The following ADCY1 variants were observed in gnomAD, a reference collection of about 807,000 sequenced individuals.
The protein encoded by ADCY1 is adenylate cyclase type 1.
ADCY1 carries 28 observed loss-of-function variants against 105.4 expected under a neutral mutation model. That is an observed-to-expected ratio of 0.27 (90% CI 0.20 to 0.36). ADCY1 has a LOEUF of 0.36. Among genes scored for constraint, ADCY1 ranks in the 10% least tolerant of loss-of-function variants. ADCY1 has a pLI of 1.00. For synonymous variants in ADCY1, 655 were observed against 623.8 expected (o/e 1.05, Z -0.75); for missense variants, 977 against 1,434.2 (o/e 0.68, Z 5.15).
chr7:45,677,376 CAT>C (rs1784475563), intron 8 of ADCY1, among the ~76,000 whole-genome samples: 1 of 152,160 alleles, frequency 6.6e-6, no homozygotes, highest in East Asian at 1.9e-4. Flanking sequence ...TCGTATCCCT[CAT>C]GTGACATATG....
At chr7:45,584,081 A>G (rs1166690905) in intron 1 of ADCY1, among the ~76,000 whole-genome samples, 2 of 151,264 alleles carry the variant, frequency 1.3e-5, no homozygotes, top group African/African-American at 2.4e-5. Flanking sequence ...CAGAGTAGGT[A>G]GAGCTACAGG....
intron 4 of ADCY1, among the ~76,000 whole-genome samples, chr7:45,629,805 C>T (rs892254103): frequency 6.6e-6 from 1 of 152,156 alleles, no homozygotes; most frequent in South Asian, 2.1e-4. Context: ...AGGCGTGAGC[C>T]ACCGCGCCCG....
chr7:45,684,470 A>G (rs1347915787), intron 11 of ADCY1: 8 of 152,476 alleles, frequency 5.2e-5, no homozygotes, highest in African/African-American at 1.7e-4. Flanking sequence ...TGTTAAGTGT[A>G]AAAAGGACTT....
intron 4 of ADCY1, among the ~76,000 whole-genome samples, chr7:45,631,207 T>G (rs567693289): frequency 6.6e-6 from 1 of 152,322 alleles, no homozygotes; most frequent in East Asian, 1.9e-4. Flanking sequence ...CCCTCTAACA[T>G]AAAGATATGA....
chr7:45,696,160 C>T (rs1427015288), intron 14 of ADCY1, among the ~76,000 whole-genome samples: 2 of 149,368 alleles, frequency 1.3e-5, no homozygotes, highest in African/African-American at 2.4e-5. Flanking sequence ...GATTTTCGGC[C>T]GGGCGCCGTG....
intron 19 of ADCY1, among the ~76,000 whole-genome samples, chr7:45,713,120 G>C (rs1009553388): frequency 6.6e-6 from 1 of 152,150 alleles, no homozygotes; most frequent in Non-Finnish European, 1.5e-5. Context: ...CCAGCTGAGG[G>C]GGGTACCTTC....
At position 45,703,446 on chromosome 7, in the gene ADCY1, C is replaced by T. The variant is rs1562731607; in HGVS notation, c.2525C>T (p.Pro842Leu). 2 of 1,614,078 alleles carry T rather than the reference C, an allele frequency of 1.2e-6. No individual in the cohort carries two copies. The highest frequency in any genetic ancestry group is 1.7e-6 in the Non-Finnish European group (2 of 1,179,998). Residue 842 changes from proline (P) to leucine (L), a missense_variant, in exon 15 of 20, where the codon CCG becomes CTG. By Grantham distance (98) the Pro-to-Leu change is moderately conservative. This residue lies in a region of ADCY1 where 152 missense variants were observed against 293.7 expected (regional missense o/e 0.52). Coordinates refer to ENST00000297323, the MANE Select transcript of ADCY1 (RefSeq NM_021116.4). The surrounding 1 kb of genome is among the most constrained non-coding windows in gnomAD (Gnocchi z 5.9). ...AGGCGCATCCTCTTCAACCTCCTGC[C>T]GGCCCACGTCGCCCAGCACTTCCTC... Reference protein sequence around the residue: ...DNRRILFNLLPAHVAQHFLMS... With the variant: ...DNRRILFNLLLAHVAQHFLMS...
intron 4 of ADCY1, among the ~76,000 whole-genome samples, chr7:45,643,873 G>A (rs372339325): frequency 1.3e-5 from 2 of 152,158 alleles, no homozygotes; most frequent in South Asian, 2.1e-4. Flanking sequence ...AACAGGGCAC[G>A]CTGATTCCTC....
At chr7:45,668,172 A>G (rs1784299248) in intron 8 of ADCY1, among the ~76,000 whole-genome samples, 1 of 152,176 alleles carries the variant, frequency 6.6e-6, no homozygotes, top group Admixed American at 6.5e-5. Context: ...TATGTTGAAT[A>G]GGAGTGGTGA....
chr7:45,625,112 G>A (rs914053850), intron 4 of ADCY1, among the ~76,000 whole-genome samples: 5 of 152,204 alleles, frequency 3.3e-5, no homozygotes, highest in Admixed American at 1.3e-4. Context: ...GCTGCCTGCT[G>A]CTCATGGTGC....
chr7:45,621,673 C>T (rs1282841240), intron 3 of ADCY1, among the ~76,000 whole-genome samples: 1 of 152,128 alleles, frequency 6.6e-6, no homozygotes, highest in East Asian at 1.9e-4. Flanking sequence ...TGCCTGCTGG[C>T]CCATCTTTGG....
intron 5 of ADCY1, among the ~76,000 whole-genome samples, chr7:45,652,562 C>T (rs886073587): frequency 1.3e-5 from 2 of 152,164 alleles, no homozygotes; most frequent in Non-Finnish European, 2.9e-5. Context: ...ATGTTTATTC[C>T]TATGGGAAAA....
chr7:45,683,604 G>A (rs1453965638), intron 11 of ADCY1, among the ~76,000 whole-genome samples: 1 of 152,158 alleles, frequency 6.6e-6, no homozygotes, highest in Non-Finnish European at 1.5e-5. Flanking sequence ...ATTTTGTCGT[G>A]TCACTTACTT....
chr7:45,689,568 A>G (rs1456771292), intron 14 of ADCY1, among the ~76,000 whole-genome samples: 4 of 152,168 alleles, frequency 2.6e-5, no homozygotes, highest in Non-Finnish European at 5.9e-5. Context: ...GCGAGAAAGG[A>G]TAGCACCAAG....
At chr7:45,673,322 C>T (rs540249119) in intron 8 of ADCY1, among the ~76,000 whole-genome samples, 35 of 152,180 alleles carry the variant, frequency 2.3e-4, no homozygotes, top group Non-Finnish European at 3.7e-4. Context: ...GTTGCTTCCT[C>T]TTCTATTTTC....
chr7:45,624,858 G>A (rs1283427217), intron 4 of ADCY1, among the ~76,000 whole-genome samples: 1 of 152,170 alleles, frequency 6.6e-6, no homozygotes. Flanking sequence ...CGTGCTTGGA[G>A]CTGATGCTGG....
At chr7:45,679,855 G>A (rs1784523755) in intron 11 of ADCY1, 62 bp downstream of exon 11, 4 of 1,568,274 alleles carry the variant, frequency 2.6e-6, no homozygotes, top group Admixed American at 3.3e-5. Flanking sequence ...TGAGTGGCCT[G>A]TATCCTGCAC....
intron 4 of ADCY1, among the ~76,000 whole-genome samples, chr7:45,638,898 A>G (rs1794465020): frequency 1.3e-5 from 2 of 152,228 alleles, no homozygotes; most frequent in South Asian, 4.1e-4. Flanking sequence ...TTTAGACTGT[A>G]GGCTCAAGGT....
At chr7:45,648,939 AATGATGCCAGC>A (rs961935018) in intron 5 of ADCY1, 142 bp downstream of exon 5, 8 of 1,001,208 alleles carry the variant, frequency 8.0e-6, no homozygotes, top group Middle Eastern at 2.4e-4. Flanking sequence ...GGCTGCAGAG[AATGATGCCAGC>A]ATTAGGAGGA....
Sources: allele counts gnomAD v4.1 joint callset (sites outside exome capture counted in the v4.1 genomes callset), GRCh38; gene constraint gnomAD v4.1.1; regional missense constraint gnomAD v4.1.1; non-coding constraint Gnocchi (gnomAD v3.1); transcripts MANE v1.5; gene names NCBI Gene and HGNC (gene_info 2026-07-23, HGNC 2026-07-21).